PEAK1: variants seen among roughly 807,000 people sequenced by gnomAD.
The protein encoded by PEAK1 is inactive tyrosine-protein kinase PEAK1.
A neutral mutation model predicts 124.7 loss-of-function variants in PEAK1; 54 were observed. That is an observed-to-expected ratio of 0.43 (90% CI 0.35 to 0.54). PEAK1 has a LOEUF of 0.54. Ranked by LOEUF, PEAK1 falls within the 20% of genes least tolerant of loss-of-function variation. The probability of loss-of-function intolerance (pLI) is 0.01; values close to 1 mark genes in which losing one functional copy is unlikely to be tolerated. For missense variants in PEAK1, 2,046 were observed against 2,134.5 expected, an observed-to-expected ratio of 0.96 and a Z score of 0.82; for synonymous variants, 719 against 760.0, an observed-to-expected ratio of 0.95 and a Z score of 0.89.
In PEAK1 at chr15:77,331,657, G is replaced by A. The variant is rs111874233; in HGVS notation, c.-603+33506C>T. On this transcript the variant is annotated intron_variant, in intron 2 of 9. Transcript: ENST00000682557. ...TTTTGAGATGGAGTCTCATTCTGTC[G>A]CCCAGGCTGGAGTCAGTGGCACGAT... Among the ~76,000 whole-genome samples, 125 of 151,372 alleles carry A rather than the reference G, an allele frequency of 8.3e-4. 1 individual carries two copies. The South Asian group carries it at 0.01, about 13-fold the overall frequency.
chr15:77,132,143 C>T (rs899381557), intron 9 of PEAK1, among the ~76,000 whole-genome samples: 3 of 151,960 alleles, frequency 2.0e-5, no homozygotes, highest in Admixed American at 6.6e-5. Context: ...TGCAGTGACC[C>T]GATCATGGCT....
At chr15:77,313,692 GTATATATATATA>G (rs1555478058) in intron 2 of PEAK1, among the ~76,000 whole-genome samples, 4 of 98,802 alleles carry the variant, frequency 4.0e-5, no homozygotes, top group Non-Finnish European at 6.1e-5. Flanking sequence ...GTGTGTGTGT[GTATATATATATA>G]TGTATGTGTG....
downstream of PEAK1, chr15:77,107,990 A>C (rs1396446617): frequency 6.6e-6 from 1 of 152,286 alleles, no homozygotes; most frequent in African/African-American, 2.4e-5. Context: ...CCATGTCAGC[A>C]GGGGATGAGG....
intron 6 of PEAK1, among the ~76,000 whole-genome samples, chr15:77,251,259 G>A: frequency 6.6e-6 from 1 of 152,210 alleles, no homozygotes; most frequent in East Asian, 1.9e-4. Context: ...ATTTAAGAAT[G>A]ATAAAGGATC....
chr15:77,418,681 C>G, intron 1 of PEAK1: 2 of 985,370 alleles, frequency 2.0e-6, no homozygotes, highest in Non-Finnish European at 2.4e-6. Context: ...TCTGAGATTA[C>G]GAGAGAAGCC....
intron 2 of PEAK1, among the ~76,000 whole-genome samples, chr15:77,340,882 G>A (rs960107346): frequency 1.3e-5 from 2 of 151,730 alleles, no homozygotes; most frequent in African/African-American, 4.8e-5. Flanking sequence ...AGGTTTCCAT[G>A]ACTCCCTCAA....
intron 1 of PEAK1, among the ~76,000 whole-genome samples, chr15:77,395,200 GAAGA>G (rs577804678): frequency 1.2e-4 from 18 of 152,202 alleles, no homozygotes; most frequent in Admixed American, 3.3e-4. Context: ...TTTCTTAACA[GAAGA>G]AAGAGTCAGT....
chr15:77,387,084 A>G (rs368378723), intron 1 of PEAK1, among the ~76,000 whole-genome samples: 3 of 152,220 alleles, frequency 2.0e-5, no homozygotes, highest in South Asian at 2.1e-4. Context: ...CTGTGTTCTC[A>G]ACATAGAATA....
chr15:77,117,281 C>T (rs2051475226), intron 9 of PEAK1, among the ~76,000 whole-genome samples: 1 of 152,184 alleles, frequency 6.6e-6, no homozygotes. Context: ...TTTAGCTTTG[C>T]TACTAGCTGT....
rs917820703 is a variant in PEAK1 at position 77,112,135 on chromosome 15, A to G, written c.*2021T>C. 1 of 152,206 alleles carries G rather than the reference A, an allele frequency of 6.6e-6. No individual in the cohort carries two copies. The highest frequency in any genetic ancestry group is 1.5e-5 in the Non-Finnish European group (1 of 68,034). The allele number at this position is 152,206 out of a possible 1,614,324, so 9.4% of individuals were successfully genotyped here. A position where few individuals can be genotyped will look rare whatever the true frequency, so the allele number is the denominator to read the frequency against. On this transcript the variant is annotated 3_prime_UTR_variant, in exon 10 of 10. Coordinates refer to ENST00000682557, the MANE Select transcript of PEAK1 (RefSeq NM_001385026.1). ...CAGAGCCCTGCACTCTGGCTAGAGG[A>G]GGCAAGACTCTTTGTGGGCTAACCA...
At chr15:77,218,908 G>C (rs1042987520) in intron 6 of PEAK1, among the ~76,000 whole-genome samples, 6 of 152,038 alleles carry the variant, frequency 3.9e-5, no homozygotes, top group Admixed American at 1.3e-4. Context: ...GTGGAGAAAG[G>C]AATGACATAC....
intron 1 of PEAK1, among the ~76,000 whole-genome samples, chr15:77,369,044 A>C (rs898306269): frequency 3.9e-5 from 6 of 152,242 alleles, no homozygotes; most frequent in Non-Finnish European, 8.8e-5. Flanking sequence ...AAAAGTATAA[A>C]ACTTCATAAT....
Position 77,179,597 on chromosome 15 carries a change from G to A in PEAK1, c.2330C>T (p.Pro777Leu), listed in dbSNP as rs1345873581. 1.9e-6 allele frequency: 3 copies of A among 1,614,134 alleles called. No individual in the cohort carries two copies. The African/African-American group carries it at 4.0e-5, about 22-fold the overall frequency. The part of the protein sequence containing the change: ...LSQIVASIQP[P>L]QSPPETPQSG... ...TTGAGGTGTTTCTGGAGGAGACTGT[G>A]GGGGTTGGATTGAAGCCACAATCTG... Residue 777 changes from proline (P) to leucine (L), a missense_variant, in exon 7 of 10, where the codon CCA (proline) becomes CTA (leucine). Pro to Leu is a moderately conservative substitution (Grantham distance 98). Transcript: ENST00000682557.
At chr15:77,238,122 A>G (rs2060202455) in intron 6 of PEAK1, among the ~76,000 whole-genome samples, 1 of 152,100 alleles carries the variant, frequency 6.6e-6, no homozygotes, top group Admixed American at 6.5e-5. Context: ...GAACGAAAAT[A>G]TTGTTTCTTT....
At chr15:77,311,352 G>A (rs1234892038) in intron 2 of PEAK1, among the ~76,000 whole-genome samples, 1 of 152,214 alleles carries the variant, frequency 6.6e-6, no homozygotes, top group East Asian at 1.9e-4. Context: ...CAGGGTTGAA[G>A]GAATGTTCGG....
At chr15:77,159,879 C>G (rs957948914) in intron 7 of PEAK1, among the ~76,000 whole-genome samples, 1 of 152,080 alleles carries the variant, frequency 6.6e-6, no homozygotes, top group Non-Finnish European at 1.5e-5. Context: ...GAAAAATAAG[C>G]CTTGATGTCT....
chr15:77,168,235 G>GTGCACA (rs1555428560), intron 7 of PEAK1, among the ~76,000 whole-genome samples: 21 of 59,582 alleles, frequency 3.5e-4, no homozygotes, highest in South Asian at 1.4e-3. Flanking sequence ...GCATGTGCGC[G>GTGCACA]CGCACACACA....
chr15:77,293,032 C>T (rs2063303193), intron 2 of PEAK1, among the ~76,000 whole-genome samples: 1 of 152,144 alleles, frequency 6.6e-6, no homozygotes, highest in South Asian at 2.1e-4. Context: ...CTGTATTACT[C>T]TAATCCTGGC....
chr15:77,220,738 G>A (rs548781150), intron 6 of PEAK1, among the ~76,000 whole-genome samples: 12 of 152,084 alleles, frequency 7.9e-5, no homozygotes, highest in Non-Finnish European at 1.2e-4. Flanking sequence ...CTATATGCAC[G>A]AATAAGTTTC....
Sources: gnomAD v4.1 joint callset for allele counts (sites outside exome capture counted in the v4.1 genomes callset) on GRCh38, gnomAD v4.1.1 for gene constraint, MANE v1.5 for transcripts, NCBI Gene and HGNC (gene_info 2026-07-23, HGNC 2026-07-21) for gene names.